The following CSMD1 variants were observed in gnomAD, a reference collection of about 807,000 sequenced individuals.
CSMD1 encodes the protein CUB and sushi domain-containing protein 1.
CSMD1 carries 213 observed loss-of-function variants against 417.5 expected under a neutral mutation model. The ratio of observed to expected loss-of-function variants is 0.51; its 90% CI spans 0.46 to 0.57. The LOEUF (loss-of-function observed/expected upper bound fraction) is 0.57. CSMD1 is among the 20% of genes least tolerant of loss of function. CSMD1 has a pLI of 0.00. For synonymous variants in CSMD1, 2,862 were observed against 1,736.8 expected, an observed-to-expected ratio of 1.65 and a Z score of -16.11; for missense variants, 6,923 against 4,529.7, an observed-to-expected ratio of 1.53 and a Z score of -15.17.
intron 3 of CSMD1, among the ~76,000 whole-genome samples, chr8:4,303,410 G>A (rs546787218): frequency 7.3e-6 from 1 of 136,574 alleles, no homozygotes; most frequent in African/African-American, 2.7e-5. Context: ...TTTATATATT[G>A]GGCAGGAAGC....
At chr8:4,192,754 T>C (rs1228207152) in intron 3 of CSMD1, among the ~76,000 whole-genome samples, 2 of 152,232 alleles carry the variant, frequency 1.3e-5, no homozygotes, top group African/African-American at 2.4e-5. Context: ...GTGACTTCTA[T>C]CATTTCCATT....
At chr8:4,127,099 T>C (rs1444802323) in intron 3 of CSMD1, among the ~76,000 whole-genome samples, 1 of 152,032 alleles carries the variant, frequency 6.6e-6, no homozygotes, top group Non-Finnish European at 1.5e-5. Flanking sequence ...TTAACAATCC[T>C]AGTTATCTGA....
chr8:4,420,530 T>C (rs1412984312), intron 2 of CSMD1, among the ~76,000 whole-genome samples: 1 of 152,144 alleles, frequency 6.6e-6, no homozygotes, highest in Non-Finnish European at 1.5e-5. Context: ...TCACTATTTT[T>C]AATTTTTTTC....
chr8:4,979,709 C>G (rs1450558234), intron 1 of CSMD1, among the ~76,000 whole-genome samples: 1 of 152,156 alleles, frequency 6.6e-6, no homozygotes, highest in Non-Finnish European at 1.5e-5. Context: ...TCTGTAGTGA[C>G]AAATATACAG....
chr8:3,595,238 G>A (rs1584937020), intron 8 of CSMD1, among the ~76,000 whole-genome samples: 1 of 152,282 alleles, frequency 6.6e-6, no homozygotes, highest in South Asian at 2.1e-4. Flanking sequence ...TTGCAAGCAA[G>A]CCAGCCACAT....
At chr8:3,982,506 C>G (rs1165319326) in intron 5 of CSMD1, among the ~76,000 whole-genome samples, 1 of 151,936 alleles carries the variant, frequency 6.6e-6, no homozygotes, top group Non-Finnish European at 1.5e-5. Context: ...AATAACGCAT[C>G]ATAAATTATG....
chr8:4,401,954 G>C (rs999211623), intron 3 of CSMD1, among the ~76,000 whole-genome samples: 6 of 152,010 alleles, frequency 3.9e-5, no homozygotes, highest in African/African-American at 7.2e-5. Context: ...CCGTGCATTT[G>C]ATACACTGGC....
In CSMD1 at chr8:3,108,707, C is replaced by T. The variant is rs758631199; in HGVS notation, c.6650G>A (p.Ser2217Asn). Residue 2217 changes from serine to asparagine, a missense_variant, in exon 44 of 70, where the codon AGT becomes AAT. By Grantham distance (46) the Ser-to-Asn change is conservative. Transcript: ENST00000635120. Reference protein sequence around the residue: ...DQNSPQLGVFSGNTALETAYS... With the variant: ...DQNSPQLGVFNGNTALETAYS... Reference sequence around the variant, plus strand: ...CGCCGTTTCGAGGGCTGTGTTGCCACTGAAAACTCCCAGCTGGGGTGAGTT... The same window carrying T: ...CGCCGTTTCGAGGGCTGTGTTGCCATTGAAAACTCCCAGCTGGGGTGAGTT... 8.1e-6 allele frequency: 13 copies of T among 1,613,492 alleles called. No homozygotes were observed. The highest frequency in any genetic ancestry group is 1.0e-5 in the Non-Finnish European group (12 of 1,179,734).
intron 4 of CSMD1, among the ~76,000 whole-genome samples, chr8:4,005,449 T>A (rs1585118217): frequency 6.6e-6 from 1 of 152,312 alleles, no homozygotes; most frequent in Non-Finnish European, 1.5e-5. Flanking sequence ...GCAGGGCCAC[T>A]GTCTCAACAT....
chr8:3,492,357 C>G (rs1367041714), intron 11 of CSMD1, among the ~76,000 whole-genome samples: 3 of 152,216 alleles, frequency 2.0e-5, no homozygotes, highest in East Asian at 1.9e-4. Context: ...GGCAGACCAG[C>G]TCATCTGGCA....
At chr8:3,960,244 C>A (rs545098003) in intron 5 of CSMD1, among the ~76,000 whole-genome samples, 2 of 152,188 alleles carry the variant, frequency 1.3e-5, no homozygotes, top group African/African-American at 4.8e-5. Flanking sequence ...CCTCTCCTCA[C>A]ATTCTGGAAA....
At chr8:4,936,475 T>C (rs939415265) in intron 1 of CSMD1, among the ~76,000 whole-genome samples, 4 of 152,244 alleles carry the variant, frequency 2.6e-5, no homozygotes, top group Non-Finnish European at 4.4e-5. Context: ...ATTTCAAGGC[T>C]TTAAAACTTT....
At chr8:4,557,944 C>G (rs1460623275) in intron 2 of CSMD1, among the ~76,000 whole-genome samples, 2 of 152,066 alleles carry the variant, frequency 1.3e-5, no homozygotes, top group Non-Finnish European at 2.9e-5. Context: ...GCATATTTTT[C>G]AGGAAGCTGA....
chr8:3,300,715 G>C (rs1398276561), intron 25 of CSMD1, among the ~76,000 whole-genome samples: 2 of 152,032 alleles, frequency 1.3e-5, no homozygotes, highest in East Asian at 3.9e-4. Context: ...CCAGTGCTTT[G>C]GGAGGACGAG....
rs1267227194 is a variant in CSMD1, at chr8:3,106,554, A to G, written c.6923T>C (p.Phe2308Ser). The change falls in exon 46 of 70, where the codon TTT (phenylalanine) becomes TCT (serine). Residue 2308 changes from phenylalanine to serine, a missense_variant. By Grantham distance (155) the Phe-to-Ser change is radical (BLOSUM62 -2). Coordinates refer to ENST00000635120, the MANE Select transcript of CSMD1 (RefSeq NM_033225.6). Reference protein sequence around the residue: ...LTCKLSSQLQFEGSLPTCEAQ... With the variant: ...LTCKLSSQLQSEGSLPTCEAQ... ...TTCACATGTTGGGAGAGAACCCTCAAACTGCAACTGGGAACTGAGCTTGCA... is the reference window on the plus strand; with the variant it reads ...TTCACATGTTGGGAGAGAACCCTCAGACTGCAACTGGGAACTGAGCTTGCA... 6.2e-7 allele frequency: 1 copy of G among 1,613,790 alleles called. No homozygotes were observed. Among genetic ancestry groups the G allele is most frequent in the Middle Eastern group, 1.6e-4 (1 of 6,062 alleles).
intron 25 of CSMD1, among the ~76,000 whole-genome samples, chr8:3,286,855 T>A (rs1436544977): frequency 7.2e-5 from 11 of 152,176 alleles, no homozygotes; most frequent in African/African-American, 2.7e-4. Context: ...ATTTTGGCTT[T>A]TGTTGCCATT....
chr8:3,744,196 G>A (rs929522085), intron 6 of CSMD1, among the ~76,000 whole-genome samples: 25 of 152,186 alleles, frequency 1.6e-4, no homozygotes, highest in African/African-American at 6.0e-4. Context: ...AGTGGGAGTT[G>A]AGGACAGGGA....
At chr8:4,046,482 T>C (rs1487976043) in intron 3 of CSMD1, among the ~76,000 whole-genome samples, 1 of 152,190 alleles carries the variant, frequency 6.6e-6, no homozygotes, top group African/African-American at 2.4e-5. Context: ...AAAGAGTCTT[T>C]CGGAAAGGAT....
chr8:3,527,459 C>T (rs979068997), intron 10 of CSMD1, among the ~76,000 whole-genome samples: 2 of 151,852 alleles, frequency 1.3e-5, no homozygotes, highest in Non-Finnish European at 2.9e-5. Flanking sequence ...TCTGTGTGGG[C>T]GAGGGTGGGA....
Sources: allele counts gnomAD v4.1 joint callset (sites outside exome capture counted in the v4.1 genomes callset), GRCh38; gene constraint gnomAD v4.1.1; transcripts MANE v1.5; gene names NCBI Gene and HGNC (gene_info 2026-07-23, HGNC 2026-07-21).